MALL: variants seen among roughly 807,000 people sequenced by gnomAD.
The protein encoded by MALL is mal, T cell differentiation protein like.
MALL carries 2 observed loss-of-function variants against 10.3 expected under a neutral mutation model. The ratio of observed to expected loss-of-function variants is 0.19; its 90% CI spans 0.08 to 0.61. MALL has a LOEUF of 0.61. MALL is among the 20% of genes least tolerant of loss of function. MALL has a pLI of 0.88. For synonymous variants in MALL, 27 were observed against 51.8 expected (o/e 0.52, Z 2.05); for missense variants, 39 against 115.2 (o/e 0.34, Z 3.03).
intron 1 of MALL, among the ~76,000 whole-genome samples, chr2:110,104,290 G>C (rs552055652): frequency 6.6e-6 from 1 of 152,088 alleles, no homozygotes; most frequent in Admixed American, 6.5e-5. Flanking sequence ...GCCTTCCAAC[G>C]ACTGTGTCAA....
intron 1 of MALL, among the ~76,000 whole-genome samples, chr2:110,100,409 G>T (rs1433531586): frequency 5.3e-5 from 8 of 151,984 alleles, no homozygotes; most frequent in African/African-American, 4.8e-5. Context: ...GGAGTTCGAG[G>T]CTGCAGTGAA....
At chr2:110,117,842 A>C (rs1013493500), upstream of MALL, among the ~76,000 whole-genome samples, 3 of 151,892 alleles carry the variant, frequency 2.0e-5, no homozygotes, top group Non-Finnish European at 4.4e-5. Context: ...CAAACAAAAA[A>C]CAGAGATTTT....
chr2:110,095,247 G>T (rs1210421807), intron 1 of MALL, among the ~76,000 whole-genome samples: 4 of 152,142 alleles, frequency 2.6e-5, no homozygotes, highest in Non-Finnish European at 4.4e-5. Flanking sequence ...GGCCTAAACT[G>T]CTTTCCCATT....
intron 1 of MALL, among the ~76,000 whole-genome samples, chr2:110,100,816 G>A (rs1240263458): frequency 1.3e-5 from 2 of 152,208 alleles, no homozygotes; most frequent in South Asian, 2.1e-4. Context: ...GGTCTGGGTG[G>A]GAGTGGGAGC....
intron 1 of MALL, among the ~76,000 whole-genome samples, chr2:110,102,732 C>T (rs1244344773): frequency 6.6e-6 from 1 of 152,134 alleles, no homozygotes; most frequent in Non-Finnish European, 1.5e-5. Flanking sequence ...TCCCAGGCCC[C>T]AGAAATTCTC....
chr2:110,111,723 G>A (rs1678805990), intron 1 of MALL, among the ~76,000 whole-genome samples: 1 of 151,018 alleles, frequency 6.6e-6, no homozygotes, highest in Non-Finnish European at 1.5e-5. Context: ...CACAGAATTA[G>A]AAAAAAAAAT....
chr2:110,111,179 C>T (rs1157696169), intron 1 of MALL, among the ~76,000 whole-genome samples: 1 of 152,100 alleles, frequency 6.6e-6, no homozygotes, highest in Non-Finnish European at 1.5e-5. Context: ...TGCCCACTCT[C>T]ACCACTCCTC....
intron 1 of MALL, among the ~76,000 whole-genome samples, chr2:110,106,377 G>A (rs926208587): frequency 4.1e-4 from 63 of 152,230 alleles, no homozygotes; most frequent in Admixed American, 1.2e-3. Flanking sequence ...AGCAGGGCAC[G>A]GGTGTGAGCC....
At chr2:110,117,036 C>T (rs1258799256), upstream of MALL, among the ~76,000 whole-genome samples, 1 of 152,128 alleles carries the variant, frequency 6.6e-6, no homozygotes, top group Non-Finnish European at 1.5e-5. Flanking sequence ...GGAGTTTGGA[C>T]AAATGAAGCT....
At chr2:110,099,697 T>C (rs1678520680) in intron 1 of MALL, among the ~76,000 whole-genome samples, 1 of 152,112 alleles carries the variant, frequency 6.6e-6, no homozygotes, top group Non-Finnish European at 1.5e-5. Context: ...CTTGACTTAG[T>C]CCTGGTCAAC....
At chr2:110,115,995 G>A (rs998781763), upstream of MALL, 3 of 391,916 alleles carry the variant, frequency 7.7e-6, no homozygotes, top group Admixed American at 1.3e-4. Context: ...CTGCCTGGCC[G>A]GCGGGGGGCA....
At position 110,092,681 on chromosome 2, in the gene MALL, T is replaced by G. The variant is rs1237392230; in HGVS notation, c.106-911A>C. Among the ~76,000 whole-genome samples, 3 of 116,776 alleles carry G rather than the reference T, an allele frequency of 2.6e-5. No homozygotes were observed. The Admixed American group carries it at 2.6e-4, about 10-fold the overall frequency. The allele number at this position is 116,776 out of a possible 152,430, so 76.6% of individuals were successfully genotyped here. On this transcript the variant is annotated intron_variant, in intron 1 of 3. Transcript: ENST00000272462. ...GTAACAAACATGCACATTGTGCACA[T>G]GTACCCTAAAACTTAAAGTATAATA...
chr2:110,100,479 T>C lies in MALL; in HGVS notation c.106-8709A>G, dbSNP rs1479074072. Among the ~76,000 whole-genome samples the C allele has an allele frequency of 6.8e-4, 100 of 147,286 alleles. 1 individual carries two copies. Among genetic ancestry groups the C allele is most frequent in the African/African-American group, 2.4e-3 (94 of 39,366 alleles). ...CAGAGCAAGACTCTGTCCCCCACCC[T>C]AAAAAAAAAAAACTTAAGCAGACTA... On this transcript the variant is annotated intron_variant, in intron 1 of 3. Coordinates refer to ENST00000272462, the MANE Select transcript of MALL (RefSeq NM_005434.5).
At chr2:110,105,900 A>G (rs576512616) in intron 1 of MALL, among the ~76,000 whole-genome samples, 1 of 152,230 alleles carries the variant, frequency 6.6e-6, no homozygotes, top group Admixed American at 6.5e-5. Flanking sequence ...ATATAAACAG[A>G]GTAGAAGCAG....
chr2:110,108,871 A>G (rs1351096127), intron 1 of MALL, among the ~76,000 whole-genome samples: 3 of 152,190 alleles, frequency 2.0e-5, no homozygotes, highest in Non-Finnish European at 4.4e-5. Flanking sequence ...CCTAGAAGAG[A>G]CTGCGGACCT....
chr2:110,098,446 T>C (rs1048150097), intron 1 of MALL, among the ~76,000 whole-genome samples: 4 of 152,256 alleles, frequency 2.6e-5, no homozygotes, highest in Non-Finnish European at 4.4e-5. Flanking sequence ...GGGTACCTGA[T>C]ATGAATGGAA....
At chr2:110,097,095 C>CAAAAAAA (rs71405880) in intron 1 of MALL, among the ~76,000 whole-genome samples, 77 of 139,250 alleles carry the variant, frequency 5.5e-4, no homozygotes, top group Middle Eastern at 3.7e-3. Context: ...CAAAACAAAA[C>CAAAAAAA]AAAAAAAAAA....
intron 1 of MALL, among the ~76,000 whole-genome samples, chr2:110,097,065 C>A: frequency 6.9e-6 from 1 of 144,226 alleles, no homozygotes; most frequent in South Asian, 2.3e-4. Context: ...CAAAGTGAAA[C>A]ACTCTGCAAT....
chr2:110,105,551 G>A (rs1678669696), intron 1 of MALL, among the ~76,000 whole-genome samples: 1 of 152,230 alleles, frequency 6.6e-6, no homozygotes, highest in African/African-American at 2.4e-5. Flanking sequence ...ACATGGCAGT[G>A]AGGGGAGTGA....
Sources: allele counts gnomAD v4.1 joint callset (sites outside exome capture counted in the v4.1 genomes callset), GRCh38; gene constraint gnomAD v4.1.1; transcripts MANE v1.5; gene names NCBI Gene and HGNC (gene_info 2026-07-23, HGNC 2026-07-21).